The following UMODL1 variants were observed in gnomAD, a reference collection of about 807,000 sequenced individuals.
UMODL1 encodes uromodulin-like 1.
In UMODL1, 128 loss-of-function variants were observed where a neutral mutation model predicts 136.3. That is an observed-to-expected ratio of 0.94 (90% CI 0.81 to 1.09). The LOEUF is 1.09. UMODL1 is among the 50% of genes least tolerant of loss of function. The pLI is 0.00. For missense variants in UMODL1, 1,766 were observed against 1,725.6 expected (o/e 1.02, Z -0.41); for synonymous variants, 721 against 720.0 (o/e 1.00, Z -0.02).
intron 6 of UMODL1, 98 bp downstream of exon 6, chr21:42,090,536 C>A: frequency 2.8e-6 from 4 of 1,419,522 alleles, no homozygotes; most frequent in Non-Finnish European, 2.9e-6. Flanking sequence ...GCATTCACCC[C>A]GAGATAACTC....
Position 42,084,098 on chromosome 21 carries a change from G to C in UMODL1, c.334G>C (p.Gly112Arg), listed in dbSNP as rs775801275. 23 of 1,613,904 alleles carry C rather than the reference G, an allele frequency of 1.4e-5. No homozygotes were observed. The highest frequency in any genetic ancestry group is 2.7e-5 in the African/African-American group (2 of 74,930). ...TTTTCTCCCAGCCCTGAATCAGTCC[G>C]GGCAGTTCACGTCAAGACCTGGGGC... ...LYCVLPLNQS[G>R]QFTSRPGACP... Residue 112 changes from glycine (G) to arginine (R), a missense_variant, in exon 3 of 23, where the codon GGG (glycine) becomes CGG (arginine). Coordinates refer to ENST00000408910, the MANE Select transcript of UMODL1 (RefSeq NM_001004416.3).
At position 42,084,089 on chromosome 21, in the gene UMODL1, A is replaced by T. The variant is rs200983340; in HGVS notation, c.325A>T (p.Asn109Tyr). The T allele has an allele frequency of 6.2e-7, 1 of 1,612,700 alleles. No homozygotes were observed. Among genetic ancestry groups the T allele is most frequent in the Non-Finnish European group, 8.5e-7 (1 of 1,179,440 alleles). Residue 109 changes from asparagine to tyrosine, a missense_variant, in exon 3 of 23, where the codon AAT becomes TAT. Asn to Tyr is a moderately radical substitution (Grantham distance 143). Transcript: ENST00000408910. Reference sequence around the variant, plus strand: ...ATTGTATCATTTTCTCCCAGCCCTGAATCAGTCCGGGCAGTTCACGTCAAG... The same window carrying T: ...ATTGTATCATTTTCTCCCAGCCCTGTATCAGTCCGGGCAGTTCACGTCAAG... ...QLGLYCVLPL[N>Y]QSGQFTSRPG...
chr21:42,128,328 T>C (rs146298473), intron 20 of UMODL1, among the ~76,000 whole-genome samples: 7 of 152,362 alleles, frequency 4.6e-5, no homozygotes, highest in African/African-American at 9.6e-5. Context: ...ATATGCTTTG[T>C]AATCCTGAGG....
chr21:42,075,898 G>T, intron 1 of UMODL1, 107 bp from the exon 2 acceptor site: 1 of 1,515,456 alleles, frequency 6.6e-7, no homozygotes, highest in East Asian at 2.3e-5. Context: ...GCGCGAGTGC[G>T]GGAGGTGTGC....
intron 21 of UMODL1, among the ~76,000 whole-genome samples, chr21:42,130,164 A>G (rs370873491): frequency 1.8e-4 from 28 of 152,292 alleles, no homozygotes; most frequent in Middle Eastern, 6.8e-3. Context: ...CACTGGGTAA[A>G]TACATCCAGT....
In UMODL1 at chr21:42,088,430, T is replaced by G; in HGVS notation, c.740T>G (p.Leu247Arg). The change falls in exon 5 of 23, where the codon CTG (leucine) becomes CGG (arginine). Residue 247 changes from leucine to arginine, a missense_variant. Physicochemically the swap from Leu to Arg is moderately radical, Grantham distance 102. Coordinates refer to ENST00000408910, the MANE Select transcript of UMODL1 (RefSeq NM_001004416.3). ...CCTGTGGCTGACGTCTCCACCCTGC[T>G]GGGTGACATTGCGAAGCGTGTCTAT... ...PLPVADVSTL[L>R]GDIAKRVYEV... 1.2e-6 allele frequency: 2 copies of G among 1,613,642 alleles called. No individual in the cohort carries two copies. Among genetic ancestry groups the G allele is most frequent in the Non-Finnish European group, 1.7e-6 (2 of 1,179,632 alleles).
In UMODL1 at chr21:42,084,175, C is replaced by T. The variant is rs779186623; in HGVS notation, c.411C>T (p.Ile137=). 5 of 1,614,082 alleles carry T rather than the reference C, an allele frequency of 3.1e-6. No individual in the cohort carries two copies. The highest frequency in any genetic ancestry group is 1.1e-5 in the South Asian group (1 of 91,082). Residue 137 remains isoleucine, a synonymous_variant, in exon 3 of 23, where the codon ATC becomes ATT. Transcript: ENST00000408910. ...CCACCTCCCCCTGCAGCTTGGACATCGACTGTCCTGGACTTGAGAAGTGCT... is the reference window on the plus strand; with the variant it reads ...CCACCTCCCCCTGCAGCTTGGACATTGACTGTCCTGGACTTGAGAAGTGCT... The part of the protein sequence containing the change: ...EPSTSPCSLD[I]DCPGLEKCCP...
At chr21:42,072,951 G>A (rs184524321) in intron 1 of UMODL1, among the ~76,000 whole-genome samples, 6 of 152,292 alleles carry the variant, frequency 3.9e-5, no homozygotes, top group East Asian at 3.9e-4. Flanking sequence ...ACGTGACCTC[G>A]GATAAAATGT....
chr21:42,121,367 ACG>A, intron 16 of UMODL1, 143 bp downstream of exon 16: 2 of 834,422 alleles, frequency 2.4e-6, no homozygotes, highest in South Asian at 1.7e-5. Context: ...ATGTGGGTGC[ACG>A]TGTGTGTGTG....
In UMODL1 at chr21:42,121,120, G is replaced by A. The variant is rs754935483; in HGVS notation, c.2723G>A (p.Cys908Tyr). ...GAGTGTGAAAGGAAGGAGGACGACT[G>A]TGTGCCGGGGACATCCTGTCGAAAC... ...YDECERKEDD[C>Y]VPGTSCRNTL... The change falls in exon 16 of 23, where the codon TGT becomes TAT. Residue 908 changes from cysteine (C) to tyrosine (Y), a missense_variant. By Grantham distance (194) the Cys-to-Tyr change is radical. Coordinates refer to ENST00000408910, the MANE Select transcript of UMODL1 (RefSeq NM_001004416.3). 2 of 1,613,946 alleles carry A rather than the reference G, an allele frequency of 1.2e-6. No homozygotes were observed. Among genetic ancestry groups the A allele is most frequent in the South Asian group, 1.1e-5 (1 of 91,046 alleles).
At chr21:42,111,736 G>T in intron 12 of UMODL1, 26 bp downstream of exon 12, 1 of 1,583,760 alleles carries the variant, frequency 6.3e-7, no homozygotes, top group African/African-American at 1.3e-5. Flanking sequence ...GGTGCATGGG[G>T]ACTAGGACTA....
chr21:42,141,002 C>T (rs1439382604), intron 22 of UMODL1, among the ~76,000 whole-genome samples: 3 of 152,222 alleles, frequency 2.0e-5, no homozygotes, highest in East Asian at 1.9e-4. Context: ...TACCAGCCCG[C>T]CCCCTCTTCG....
intron 17 of UMODL1, 84 bp from the exon 18 acceptor site, chr21:42,126,261 C>T (rs1166439867): frequency 3.2e-6 from 5 of 1,579,814 alleles, no homozygotes; most frequent in Middle Eastern, 1.7e-4. Context: ...CCCCATCCCC[C>T]CAGCACCTAG....
rs113401473 is a variant in UMODL1, at chr21:42,110,220, G to C, written c.1657+521G>C. Among the ~76,000 whole-genome samples, 585 of 152,328 alleles carry C rather than the reference G, an allele frequency of 3.8e-3. 8 individuals are homozygous for C. Among genetic ancestry groups the C allele is most frequent in the African/African-American group, 0.013 (550 of 41,570 alleles). ...TCTGATGAGTGGGTCGGGGATACCT[G>C]GGATGCTGAATTGAGCAGCAGGAGG... On this transcript the variant is annotated intron_variant, in intron 10 of 22. Transcript: ENST00000408910.
At chr21:42,118,884 TGG>T (rs35951407) in intron 14 of UMODL1, among the ~76,000 whole-genome samples, 8 of 151,986 alleles carry the variant, frequency 5.3e-5, no homozygotes, top group Admixed American at 1.3e-4. Context: ...TTTACTGGTT[TGG>T]GGGGGGAAAC....
rs770392025 is a variant in UMODL1, at chr21:42,121,140, C to T, written c.2743C>T (p.Arg915Ter). Reference sequence around the variant, plus strand: ...CGACTGTGTGCCGGGGACATCCTGTCGAAACACCCTCGGGTCTTTCACTTG... The same window carrying T: ...CGACTGTGTGCCGGGGACATCCTGTTGAAACACCCTCGGGTCTTTCACTTG... ...EDDCVPGTSC[R>*]NTLGSFTCSC... Residue 915 changes from arginine (R) to a stop codon, truncating the protein, a stop_gained, in exon 16 of 23, where the codon CGA becomes TGA. Transcript: ENST00000408910. LOFTEE classifies it high-confidence loss of function. 1.9e-5 allele frequency: 31 copies of T among 1,613,986 alleles called. No homozygotes were observed. Among genetic ancestry groups the T allele is most frequent in the South Asian group, 1.3e-4 (12 of 91,052 alleles).
chr21:42,098,911 T>C lies in UMODL1; in HGVS notation c.932-15T>C, dbSNP rs1210478398. 3 of 1,613,342 alleles carry C rather than the reference T, an allele frequency of 1.9e-6. No homozygotes were observed. In the Admixed American group the frequency reaches 5.0e-5, roughly 27 times the overall value. ...ACTGACCCTTTGCTCATCTTCTCTG[T>C]CTGTGCTTTCGTAGATTGTCCTCCA... On this transcript the variant is annotated splice_polypyrimidine_tract_variant and intron_variant, in intron 6 of 22. Coordinates refer to ENST00000408910, the MANE Select transcript of UMODL1 (RefSeq NM_001004416.3).
intron 2 of UMODL1, among the ~76,000 whole-genome samples, chr21:42,077,002 GGTGTGT>G (rs56409028): frequency 0.16 from 17,941 of 112,872 alleles, 1,924 homozygotes; most frequent in Admixed American, 0.21. Context: ...CCAGGGGAGG[GGTGTGT>G]GTGTGTGTGT....
At chr21:42,112,348 C>T (rs1197451196) in intron 12 of UMODL1, among the ~76,000 whole-genome samples, 3 of 151,778 alleles carry the variant, frequency 2.0e-5, no homozygotes, top group Non-Finnish European at 4.4e-5. Flanking sequence ...TCTATATGCC[C>T]CAGAGATTCT....
Sources: allele counts gnomAD v4.1 joint callset (sites outside exome capture counted in the v4.1 genomes callset), GRCh38; gene constraint gnomAD v4.1.1; transcripts MANE v1.5; gene names NCBI Gene and HGNC (gene_info 2026-07-23, HGNC 2026-07-21).